FAF1: variants seen among roughly 807,000 people sequenced by gnomAD.
FAF1 encodes the protein FAS-associated factor 1.
A neutral mutation model predicts 92.5 loss-of-function variants in FAF1; 25 were observed. The observed-to-expected ratio is 0.27, with a 90% CI of 0.20 to 0.38. FAF1 has a LOEUF of 0.38. Among genes scored for constraint, FAF1 ranks in the 10% least tolerant of loss-of-function variants. FAF1 has a pLI of 1.00. For synonymous variants in FAF1, 234 were observed against 273.2 expected (o/e 0.86, Z 1.42); for missense variants, 636 against 793.3 (o/e 0.80, Z 2.38).
chr1:50,950,985 C>T (rs1484044723), intron 1 of FAF1, among the ~76,000 whole-genome samples: 5 of 152,336 alleles, frequency 3.3e-5, no homozygotes, highest in Non-Finnish European at 7.3e-5. Flanking sequence ...AATCCCAGCA[C>T]TTTGGGAGGC....
intron 8 of FAF1, among the ~76,000 whole-genome samples, chr1:50,608,242 C>T (rs1408056046): frequency 1.3e-5 from 2 of 152,206 alleles, no homozygotes; most frequent in Non-Finnish European, 2.9e-5. Context: ...TAATGGTAAA[C>T]AGACATGGCA....
chr1:50,488,299 T>C (rs1646790012), intron 17 of FAF1, among the ~76,000 whole-genome samples: 1 of 152,340 alleles, frequency 6.6e-6, no homozygotes, highest in South Asian at 2.1e-4. Flanking sequence ...TTCTGTAAGA[T>C]GATGGGCTTT....
intron 6 of FAF1, among the ~76,000 whole-genome samples, chr1:50,730,013 CCTT>C (rs1658851540): frequency 1.3e-5 from 2 of 151,932 alleles, no homozygotes. Flanking sequence ...GAGAGAGACT[CCTT>C]CTCCAAAATA....
At chr1:50,622,670 G>C (rs895703941) in intron 8 of FAF1, among the ~76,000 whole-genome samples, 1 of 152,158 alleles carries the variant, frequency 6.6e-6, no homozygotes, top group Non-Finnish European at 1.5e-5. Flanking sequence ...AAATTTCAGA[G>C]TTAAGGGAAA....
intron 13 of FAF1, among the ~76,000 whole-genome samples, chr1:50,554,302 C>CA (rs1264960066): frequency 6.6e-6 from 1 of 150,510 alleles, no homozygotes; most frequent in Admixed American, 6.6e-5. Context: ...ATAGTTTCCT[C>CA]ACATGTGAAA....
At chr1:50,672,430 C>G (rs1325571205) in intron 7 of FAF1, among the ~76,000 whole-genome samples, 1 of 152,022 alleles carries the variant, frequency 6.6e-6, no homozygotes, top group Non-Finnish European at 1.5e-5. Context: ...GACAGGGTAT[C>G]ACCCAGCTAA....
intron 7 of FAF1, among the ~76,000 whole-genome samples, chr1:50,669,051 G>T (rs1354833679): frequency 6.6e-6 from 1 of 152,142 alleles, no homozygotes; most frequent in African/African-American, 2.4e-5. Flanking sequence ...GCTACACACA[G>T]TATACCCCTA....
At chr1:50,705,349 G>A (rs1028050207) in intron 7 of FAF1, among the ~76,000 whole-genome samples, 1 of 152,230 alleles carries the variant, frequency 6.6e-6, no homozygotes, top group African/African-American at 2.4e-5. Flanking sequence ...CCCAAGGGCA[G>A]GATGGAGCTG....
chr1:50,484,627 T>G (rs1646741826), intron 17 of FAF1, among the ~76,000 whole-genome samples: 1 of 152,102 alleles, frequency 6.6e-6, no homozygotes, highest in Non-Finnish European at 1.5e-5. Flanking sequence ...GGGATGATTA[T>G]AATTATGGCC....
chr1:50,888,669 C>T (rs577165286), intron 1 of FAF1, among the ~76,000 whole-genome samples: 7 of 152,132 alleles, frequency 4.6e-5, no homozygotes, highest in Non-Finnish European at 8.8e-5. Context: ...ATTACGTTTA[C>T]TGATTTGCGT....
intron 2 of FAF1, among the ~76,000 whole-genome samples, chr1:50,830,901 A>G (rs144563835): frequency 2.5e-3 from 386 of 152,302 alleles, no homozygotes; most frequent in African/African-American, 8.9e-3. Context: ...TTGGAAGAAA[A>G]AAACTTGAAA....
At chr1:50,821,959 A>T (rs759926955) in intron 2 of FAF1, among the ~76,000 whole-genome samples, 3 of 152,086 alleles carry the variant, frequency 2.0e-5, no homozygotes, top group Non-Finnish European at 2.9e-5. Context: ...GATTACAGAT[A>T]AGATGAGGAG....
intron 12 of FAF1, among the ~76,000 whole-genome samples, chr1:50,574,896 CTCTTT>C (rs1403331883): frequency 2.3e-4 from 28 of 122,916 alleles, no homozygotes; most frequent in African/African-American, 8.1e-4. Context: ...GTTGTATTAA[CTCTTT>C]TTTTTTTTTT....
chr1:50,475,181 T>C (rs1277955701), intron 18 of FAF1, among the ~76,000 whole-genome samples: 4 of 152,158 alleles, frequency 2.6e-5, no homozygotes, highest in South Asian at 2.1e-4. Context: ...GGAATACAGA[T>C]GAGACATCAG....
At chr1:50,942,649 C>A (rs531578906) in intron 1 of FAF1, among the ~76,000 whole-genome samples, 1 of 152,188 alleles carries the variant, frequency 6.6e-6, no homozygotes, top group South Asian at 2.1e-4. Context: ...TGGCCTGTTA[C>A]AATTTCATGG....
intron 18 of FAF1, chr1:50,451,724 G>C (rs747808984): frequency 6.8e-5 from 25 of 368,460 alleles, no homozygotes; most frequent in Non-Finnish European, 8.6e-5. Context: ...GTTAGAGCTG[G>C]ATGGGTCTTT....
In FAF1 at chr1:50,959,923, C is replaced by A; in HGVS notation, c.-112G>T. Reference sequence around the variant, plus strand: ...GCCGCCGCCGCCGGGCGCCGAGGGGCTGGCGGGCGAGCCGGCGGGCGGGTC... The same window carrying A: ...GCCGCCGCCGCCGGGCGCCGAGGGGATGGCGGGCGAGCCGGCGGGCGGGTC... On this transcript the variant is annotated 5_prime_UTR_variant, in exon 1 of 19. Transcript: ENST00000396153. 1.6e-6 allele frequency: 1 copy of A among 630,000 alleles called. No individual in the cohort carries two copies. Among genetic ancestry groups the A allele is most frequent in the Non-Finnish European group, 2.1e-6 (1 of 466,968 alleles). 39.0% of individuals were successfully genotyped at this position (630,000 alleles called of 1,614,324 possible). A position where few individuals can be genotyped will look rare whatever the true frequency, so the allele number is the denominator to read the frequency against.
At chr1:50,559,500 C>G (rs1197847796) in intron 13 of FAF1, among the ~76,000 whole-genome samples, 1 of 152,142 alleles carries the variant, frequency 6.6e-6, no homozygotes, top group East Asian at 1.9e-4. Flanking sequence ...TTTTGAAACC[C>G]TACACTAATA....
At chr1:50,455,063 A>G (rs1353742729) in intron 18 of FAF1, among the ~76,000 whole-genome samples, 1 of 152,214 alleles carries the variant, frequency 6.6e-6, no homozygotes, top group Non-Finnish European at 1.5e-5. Context: ...TCATTCCTAC[A>G]GCAGGCAGAC....
Sources: allele counts gnomAD v4.1 joint callset (sites outside exome capture counted in the v4.1 genomes callset), GRCh38; gene constraint gnomAD v4.1.1; transcripts MANE v1.5; gene names NCBI Gene and HGNC (gene_info 2026-07-23, HGNC 2026-07-21).